TNS4: variants seen among roughly 807,000 people sequenced by gnomAD.
The protein encoded by TNS4 is tensin 4, also known as tensin-4.
TNS4 carries 46 observed loss-of-function variants against 70.4 expected under a neutral mutation model. The observed-to-expected ratio is 0.65, with a 90% CI of 0.52 to 0.84. TNS4 has a LOEUF of 0.84. TNS4 is among the 40% of genes least tolerant of loss of function. The pLI is 0.00. For synonymous variants in TNS4, 390 were observed against 366.6 expected, an observed-to-expected ratio of 1.06 and a Z score of -0.73; for missense variants, 863 against 907.0, an observed-to-expected ratio of 0.95 and a Z score of 0.62.
At chr17:40,491,737 A>G (rs1168453731) in intron 2 of TNS4, among the ~76,000 whole-genome samples, 2 of 152,088 alleles carry the variant, frequency 1.3e-5, no homozygotes, top group Non-Finnish European at 2.9e-5. Context: ...GCCTCTACCC[A>G]TTGCAGGGGT....
At chr17:40,489,010 CCTGGACTCATAGAACAGAGAGG>C in intron 2 of TNS4, 41 bp from the exon 3 acceptor site, 1 of 1,507,138 alleles carries the variant, frequency 6.6e-7, no homozygotes, top group Non-Finnish European at 8.8e-7. Context: ...AATGCAGGAG[CCTGGACTCATAGAACAGAGAGG>C]CTGGAAGTAT....
rs1022765404 is a variant in TNS4 at position 40,484,531 on chromosome 17, A to G, written c.1454T>C (p.Leu485Pro). Residue 485 changes from leucine to proline, a missense_variant, in exon 6 of 13, where the codon CTG (leucine) becomes CCG (proline). Physicochemically the swap from Leu to Pro is moderately conservative, Grantham distance 98 (BLOSUM62 -3). Transcript: ENST00000254051. ...GGGAACCTCCTGCACCTTCAGGGCCAGGCCGAAGGAGCCTCGGTATGAAGA... is the reference window on the plus strand; with the variant it reads ...GGGAACCTCCTGCACCTTCAGGGCCGGGCCGAAGGAGCCTCGGTATGAAGA... ...DSSSYRGSFG[L>P]ALKVQEVPAS... The G allele has an allele frequency of 1.9e-6, 3 of 1,612,684 alleles. No individual in the cohort carries two copies. Among genetic ancestry groups the G allele is most frequent in the Non-Finnish European group, 2.5e-6 (3 of 1,179,994 alleles).
At chr17:40,484,896 T>C in intron 5 of TNS4, 25 bp downstream of exon 5, 1 of 1,612,554 alleles carries the variant, frequency 6.2e-7, no homozygotes, top group Non-Finnish European at 8.5e-7. Flanking sequence ...GACCCTATTC[T>C]GGGGTCACTC....
chr17:40,493,076 A>G (rs2036096883), intron 2 of TNS4, among the ~76,000 whole-genome samples: 1 of 152,064 alleles, frequency 6.6e-6, no homozygotes, highest in Non-Finnish European at 1.5e-5. Context: ...CTGAGGTGGG[A>G]GGATTGCTTG....
At chr17:40,483,808 T>A (rs894126445) in intron 6 of TNS4, among the ~76,000 whole-genome samples, 2 of 152,132 alleles carry the variant, frequency 1.3e-5, no homozygotes, top group African/African-American at 4.8e-5. Flanking sequence ...TGCTCTGGAG[T>A]CATTAAGTAA....
chr17:40,490,330 G>T (rs1185498818), intron 2 of TNS4, among the ~76,000 whole-genome samples: 2 of 152,272 alleles, frequency 1.3e-5, no homozygotes, highest in African/African-American at 4.8e-5. Context: ...CCAAGGTGAG[G>T]ATGAACACCC....
intron 2 of TNS4, among the ~76,000 whole-genome samples, chr17:40,489,702 C>T (rs761710246): frequency 2.4e-4 from 35 of 147,430 alleles, no homozygotes; most frequent in Non-Finnish European, 4.6e-4. Flanking sequence ...GGCTGAGGTA[C>T]AAGAATCGCT....
chr17:40,482,156 G>T lies in TNS4; in HGVS notation c.1645C>A (p.Pro549Thr). Reference protein sequence around the residue: ...CQHSIMALALPCKLTIPQREL... With the variant: ...CQHSIMALALTCKLTIPQREL... ...CTCTGTGGGATGGTGAGTTTGCAGG[G>T]CAGGGCCAGGGCCATGATGGAATGC... is the stretch of plus-strand genomic sequence containing the variant. The change falls in exon 8 of 13, where the codon CCC becomes ACC. Residue 549 changes from proline (P) to threonine (T), a missense_variant. Coordinates refer to ENST00000254051, the MANE Select transcript of TNS4 (RefSeq NM_032865.6). 1.2e-6 allele frequency: 2 copies of T among 1,614,196 alleles called. No homozygotes were observed. Among genetic ancestry groups the T allele is most frequent in the Non-Finnish European group, 1.7e-6 (2 of 1,180,034 alleles).
rs1274783796 is a variant in TNS4, at chr17:40,487,478, C to T, written c.864-18G>A. 1 of 1,587,372 alleles carries T rather than the reference C, an allele frequency of 6.3e-7. No individual in the cohort carries two copies. Among genetic ancestry groups the T allele is most frequent in the Non-Finnish European group, 8.6e-7 (1 of 1,163,896 alleles). The stretch of plus-strand genomic sequence containing the variant: ...ACTGGCTGCTGCAGCGGGAGAGAGT[C>T]AGACAGGGTGTTAGGGCAACAGGTG... On this transcript the variant is annotated intron_variant, in intron 3 of 12. Transcript: ENST00000254051.
intron 6 of TNS4, among the ~76,000 whole-genome samples, chr17:40,483,057 C>A (rs946929808): frequency 6.6e-6 from 1 of 151,818 alleles, no homozygotes; most frequent in Non-Finnish European, 1.5e-5. Flanking sequence ...TTAAGGAATC[C>A]TCCCACCTCA....
At chr17:40,482,556 C>T in intron 6 of TNS4, 140 bp from the exon 7 acceptor site, 2 of 627,386 alleles carry the variant, frequency 3.2e-6, no homozygotes, top group East Asian at 2.9e-5. Flanking sequence ...TCAGCCTGAC[C>T]CACATGGTAA....
At chr17:40,483,882 G>GC in intron 6 of TNS4, among the ~76,000 whole-genome samples, 1 of 152,152 alleles carries the variant, frequency 6.6e-6, no homozygotes, top group Non-Finnish European at 1.5e-5. Context: ...TTTGAGTGAG[G>GC]CCTATGACCC....
rs113371389 is a variant in TNS4 at position 40,478,894 on chromosome 17, C to T, written c.1911-246G>A. ...GGGGTTTTCTATCACACCCCTACCACGCCATTTAATTTTTTTTGGCCACTA... is the reference window on the plus strand; with the variant it reads ...GGGGTTTTCTATCACACCCCTACCATGCCATTTAATTTTTTTTGGCCACTA... On this transcript the variant is annotated intron_variant, in intron 10 of 12. Transcript: ENST00000254051. Among the ~76,000 whole-genome samples, 218 of 152,294 alleles carry T rather than the reference C, an allele frequency of 1.4e-3. 3 individuals are homozygous for T. In the South Asian group the frequency reaches 0.023, roughly 16 times the overall value.
chr17:40,480,871 C>T (rs770803487), intron 8 of TNS4, 103 bp from the exon 9 acceptor site: 2 of 1,281,006 alleles, frequency 1.6e-6, no homozygotes, highest in African/African-American at 1.5e-5. Context: ...AGATCTCCCA[C>T]CTCCACCCCC....
chr17:40,496,219 G>T lies in TNS4; in HGVS notation c.207C>A (p.Ala69=). The change falls in exon 2 of 13, where the codon GCC becomes GCA. Residue 69 remains alanine, a synonymous_variant. Transcript: ENST00000254051. ...CMGPPGRLQQ[A]PQVEAKATCF... is the part of the protein sequence containing the mutation. Reference sequence around the variant, plus strand: ...AGGTGGCTTTGGCCTCCACCTGTGGGGCTTGCTGGAGTCGGCCAGGGGGCC... The same window carrying T: ...AGGTGGCTTTGGCCTCCACCTGTGGTGCTTGCTGGAGTCGGCCAGGGGGCC... The T allele has an allele frequency of 6.3e-7, 1 of 1,599,546 alleles. No individual in the cohort carries two copies. Among genetic ancestry groups the T allele is most frequent in the South Asian group, 1.1e-5 (1 of 89,030 alleles).
chr17:40,499,390 G>A (rs990102703), intron 1 of TNS4, among the ~76,000 whole-genome samples: 3 of 152,136 alleles, frequency 2.0e-5, no homozygotes, highest in Admixed American at 6.5e-5. Flanking sequence ...TGATGCCCCC[G>A]GCCGAATAAA....
chr17:40,486,345 T>A (rs762378917), intron 4 of TNS4, among the ~76,000 whole-genome samples: 27 of 152,046 alleles, frequency 1.8e-4, no homozygotes, highest in Non-Finnish European at 3.5e-4. Flanking sequence ...GAGTTAGTCA[T>A]CAAGCACATC....
chr17:40,478,803 G>A (rs1035434503), intron 10 of TNS4, among the ~76,000 whole-genome samples, 155 bp from the exon 11 acceptor site: 2 of 152,188 alleles, frequency 1.3e-5, no homozygotes, highest in Non-Finnish European at 2.9e-5. Flanking sequence ...TCCCACTGGG[G>A]GGCCCTGGCG....
intron 1 of TNS4, among the ~76,000 whole-genome samples, chr17:40,497,566 G>T (rs2036161244): frequency 6.6e-6 from 1 of 152,230 alleles, no homozygotes; most frequent in African/African-American, 2.4e-5. Flanking sequence ...TCGAGCCAAT[G>T]CACTGCAGCC....
Sources: gnomAD v4.1 joint callset for allele counts (sites outside exome capture counted in the v4.1 genomes callset) on GRCh38, gnomAD v4.1.1 for gene constraint, MANE v1.5 for transcripts, NCBI Gene and HGNC (gene_info 2026-07-23, HGNC 2026-07-21) for gene names.